DGKI: variants seen among roughly 807,000 people sequenced by gnomAD.
DGKI encodes the protein diacylglycerol kinase iota.
A neutral mutation model predicts 147.5 loss-of-function variants in DGKI; 55 were observed. That is an observed-to-expected ratio of 0.37 (90% CI 0.30 to 0.47). The LOEUF is 0.47. Ranked by LOEUF, DGKI falls within the 20% of genes least tolerant of loss-of-function variation. The pLI, the probability that DGKI is intolerant of heterozygous loss-of-function variation, is 1.00. For synonymous variants in DGKI, 469 were observed against 477.1 expected, an observed-to-expected ratio of 0.98 and a Z score of 0.22; for missense variants, 1,007 against 1,323.8, an observed-to-expected ratio of 0.76 and a Z score of 3.71.
intron 1 of DGKI, among the ~76,000 whole-genome samples, chr7:137,736,252 C>T (rs957952034): frequency 5.9e-5 from 9 of 152,086 alleles, no homozygotes; most frequent in African/African-American, 1.7e-4. Flanking sequence ...ATGCTGGAAA[C>T]ATCAGTAAAC....
At chr7:137,604,491 G>A (rs1017883090) in intron 10 of DGKI, among the ~76,000 whole-genome samples, 6 of 152,116 alleles carry the variant, frequency 3.9e-5, no homozygotes, top group South Asian at 2.1e-4. Flanking sequence ...TGAGAAAGCC[G>A]ATTCCCAGAT....
At chr7:137,485,282 ATG>A in intron 23 of DGKI, 90 bp downstream of exon 23, 1 of 935,992 alleles carries the variant, frequency 1.1e-6, no homozygotes, top group Non-Finnish European at 1.7e-6. Flanking sequence ...CCTAGGGAAG[ATG>A]TGAACTCTAA....
intron 16 of DGKI, among the ~76,000 whole-genome samples, chr7:137,577,686 G>A (rs774355751): frequency 7.2e-5 from 11 of 152,064 alleles, no homozygotes; most frequent in Non-Finnish European, 1.2e-4. Flanking sequence ...GCTCCCAAAC[G>A]CCTTTTATTT....
At chr7:137,645,816 G>T (rs907713306) in intron 5 of DGKI, among the ~76,000 whole-genome samples, 1 of 152,190 alleles carries the variant, frequency 6.6e-6, no homozygotes, top group Admixed American at 6.5e-5. Context: ...TCTAAGCCCA[G>T]ATGAGCCCAG....
intron 1 of DGKI, among the ~76,000 whole-genome samples, chr7:137,702,790 A>G (rs1314130136): frequency 1.3e-5 from 2 of 152,128 alleles, no homozygotes; most frequent in African/African-American, 4.8e-5. Context: ...CCCCCATTCC[A>G]TGGCTTGTTT....
At chr7:137,557,222 ATATACT>A (rs1818254433) in intron 19 of DGKI, among the ~76,000 whole-genome samples, 1 of 152,204 alleles carries the variant, frequency 6.6e-6, no homozygotes, top group African/African-American at 2.4e-5. Context: ...ATCTTGACTA[ATATACT>A]TATAAAAATG....
chr7:137,735,613 A>G (rs1033422793), intron 1 of DGKI, among the ~76,000 whole-genome samples: 12 of 152,126 alleles, frequency 7.9e-5, no homozygotes, highest in African/African-American at 2.9e-4. Flanking sequence ...TGAAATGTCA[A>G]TTGAATAGCA....
chr7:137,722,340 T>A (rs1377752164), intron 1 of DGKI: 1 of 1,612,622 alleles, frequency 6.2e-7, no homozygotes, highest in Non-Finnish European at 8.5e-7. Context: ...ATTATCCTAC[T>A]GAAGATGTGC....
chr7:137,390,881 C>T lies in DGKI; in HGVS notation c.*339G>A. The stretch of plus-strand genomic sequence containing the variant: ...ACCAATGCATAGGGGGAGGATGGAG[C>T]AGTGCCATTTATACGAACATCCTTT... On this transcript the variant is annotated 3_prime_UTR_variant, in exon 33 of 33. Transcript: ENST00000614521. 1 of 282,420 alleles carries T rather than the reference C, an allele frequency of 3.5e-6. No homozygotes were observed. The highest frequency in any genetic ancestry group is 6.8e-6 in the Non-Finnish European group (1 of 147,932). 17.5% of individuals were successfully genotyped at this position (282,420 alleles called of 1,614,324 possible). A position where few individuals can be genotyped will look rare whatever the true frequency, so the allele number is the denominator to read the frequency against.
intron 1 of DGKI, among the ~76,000 whole-genome samples, chr7:137,753,737 G>A (rs1487768843): frequency 6.6e-6 from 1 of 152,162 alleles, no homozygotes; most frequent in Non-Finnish European, 1.5e-5. Context: ...GGTGATCTAT[G>A]AGGCTACAGA....
At chr7:137,794,818 T>C (rs1796972768) in intron 1 of DGKI, among the ~76,000 whole-genome samples, 1 of 152,200 alleles carries the variant, frequency 6.6e-6, no homozygotes, top group Admixed American at 6.5e-5. Context: ...ATCTCAAGAC[T>C]TAAGATAAAT....
chr7:137,432,168 G>A (rs759000342), intron 28 of DGKI, among the ~76,000 whole-genome samples: 13 of 152,058 alleles, frequency 8.5e-5, no homozygotes, highest in East Asian at 1.9e-4. Context: ...CCATCGATGC[G>A]TCCTGTATAG....
At chr7:137,800,444 C>CTTT (rs1797166909) in intron 1 of DGKI, among the ~76,000 whole-genome samples, 1 of 152,022 alleles carries the variant, frequency 6.6e-6, no homozygotes, top group African/African-American at 2.4e-5. Context: ...CTACCTCCCC[C>CTTT]CAACTCTCAG....
At position 137,487,688 on chromosome 7, in the gene DGKI, C is replaced by T. The variant is rs756285217; in HGVS notation, c.2250G>A (p.Ser750=). 16 of 1,613,158 alleles carry T rather than the reference C, an allele frequency of 9.9e-6. No homozygotes were observed. The highest frequency in any genetic ancestry group is 4.0e-5 in the African/African-American group (3 of 74,880). The change falls in exon 22 of 33, where the codon TCG becomes TCA. Residue 750 remains serine, a splice_region_variant and synonymous_variant. Transcript: ENST00000614521. The stretch of plus-strand genomic sequence containing the variant: ...GCACAACTAGAATACCCAGAGGTAT[C>T]GCTAAGGGTGAAGGAAGAAGAAAAA... ...HYDKEKLREA[S]IPLGILVVRG... is the part of the protein sequence containing the mutation.
intron 12 of DGKI, 43 bp downstream of exon 12, chr7:137,597,804 A>G: frequency 6.3e-7 from 1 of 1,581,744 alleles, no homozygotes; most frequent in Non-Finnish European, 8.7e-7. Context: ...ACAATAAGAA[A>G]GATAGAATTG....
Position 137,391,142 on chromosome 7 carries a change from C to A in DGKI, c.*78G>T, listed in dbSNP as rs1396507189. The A allele has an allele frequency of 8.3e-6, 9 of 1,084,216 alleles. 1 individual carries two copies. Among genetic ancestry groups the A allele is most frequent in the Non-Finnish European group, 1.1e-5 (8 of 699,440 alleles). 67.2% of individuals were successfully genotyped at this position (1,084,216 alleles called of 1,614,324 possible). ...ACAGATATATGAATTCCATCAGCTT[C>A]TTCCAGGGGAGCTGCCCAATTGCAG... is the stretch of plus-strand genomic sequence containing the variant. On this transcript the variant is annotated 3_prime_UTR_variant, in exon 33 of 33. Transcript: ENST00000614521.
At chr7:137,723,699 CTTTTTTTTTTTTTTTT>C (rs769605042) in intron 1 of DGKI, among the ~76,000 whole-genome samples, 1 of 104,436 alleles carries the variant, frequency 9.6e-6, no homozygotes, top group African/African-American at 4.6e-5. Context: ...CATGATATCC[CTTTTTTTTTTTTTTTT>C]TTTTTTTTTT....
chr7:137,665,247 A>C (rs1822593982), intron 3 of DGKI, among the ~76,000 whole-genome samples: 1 of 152,182 alleles, frequency 6.6e-6, no homozygotes, highest in Non-Finnish European at 1.5e-5. Context: ...AGTGACAAGA[A>C]TGGAACAAAA....
chr7:137,625,978 C>G (rs533086807), intron 6 of DGKI, among the ~76,000 whole-genome samples: 1 of 152,214 alleles, frequency 6.6e-6, no homozygotes, highest in Non-Finnish European at 1.5e-5. Flanking sequence ...GACACTGAGT[C>G]CAGTATTCCT....
Sources: allele counts gnomAD v4.1 joint callset (sites outside exome capture counted in the v4.1 genomes callset), GRCh38; gene constraint gnomAD v4.1.1; transcripts MANE v1.5; gene names NCBI Gene and HGNC (gene_info 2026-07-23, HGNC 2026-07-21).